The following FXR2 variants were observed in gnomAD, a reference collection of about 807,000 sequenced individuals.
The protein encoded by FXR2 is RNA-binding protein FXR2.
A neutral mutation model predicts 87.3 loss-of-function variants in FXR2; 9 were observed. The ratio of observed to expected loss-of-function variants is 0.10; its 90% CI spans 0.06 to 0.18. The LOEUF (loss-of-function observed/expected upper bound fraction) is 0.18. FXR2 is among the 10% of genes least tolerant of loss of function. The probability of loss-of-function intolerance (pLI) is 1.00; values close to 1 mark genes in which losing one functional copy is unlikely to be tolerated. For missense variants in FXR2, 661 were observed against 893.6 expected (o/e 0.74, Z 3.32); for synonymous variants, 331 against 328.3 (o/e 1.01, Z -0.09).
chr17:7,609,668 C>G (rs777910000), intron 1 of FXR2, among the ~76,000 whole-genome samples: 24 of 151,864 alleles, frequency 1.6e-4, no homozygotes, highest in Non-Finnish European at 2.8e-4. Context: ...CTTCTACTTG[C>G]CTGGGTCTCT....
In FXR2 at chr17:7,591,648, G is replaced by C; in HGVS notation, c.*182C>G. 1 of 617,026 alleles carries C rather than the reference G, an allele frequency of 1.6e-6. No individual in the cohort carries two copies. Among genetic ancestry groups the C allele is most frequent in the Non-Finnish European group, 2.9e-6 (1 of 341,308 alleles). The allele number at this position is 617,026 out of a possible 1,614,324, so 38.2% of individuals were successfully genotyped here. On this transcript the variant is annotated 3_prime_UTR_variant, in exon 17 of 17. Transcript: ENST00000250113. This position sits in a 1 kb window ranked among gnomAD's most constrained non-coding sequence, Gnocchi z 4.0. The stretch of plus-strand genomic sequence containing the variant: ...TGGGGGTAGGGTGGACAAGAGGGAG[G>C]GGGTATGACCCTGTTACACACCCCT...
Position 7,592,538 on chromosome 17 carries a change from C to G in FXR2, c.1791G>C (p.Arg597=). ...RSRRRRNRGN[R]TDGSISGDRQ... is the part of the protein sequence containing the mutation. ...GGTCTCCACTGATAGAGCCATCAGT[C>G]CGATTACCACGGTTACGGCGGCGGC... is the stretch of plus-strand genomic sequence containing the variant. The change falls in exon 15 of 17, where the codon CGG becomes CGC. Residue 597 remains arginine, a synonymous_variant. Transcript: ENST00000250113. The surrounding 1 kb of genome is among the most constrained non-coding windows in gnomAD (Gnocchi z 4.8). 6.2e-7 allele frequency: 1 copy of G among 1,613,966 alleles called. No individual in the cohort carries two copies. Among genetic ancestry groups the G allele is most frequent in the Non-Finnish European group, 8.5e-7 (1 of 1,179,868 alleles).
At position 7,595,749 on chromosome 17, in the gene FXR2, G is replaced by C; in HGVS notation, c.831+75C>G. ...AGGTGTGAGCCACTGTGCCCAGTTT[G>C]AGGCTTATTTTCTACTTCGGCCTCT... On this transcript the variant is annotated intron_variant, in intron 8 of 16. Coordinates refer to ENST00000250113, the MANE Select transcript of FXR2 (RefSeq NM_004860.4). The surrounding 1 kb of genome is among the most constrained non-coding windows in gnomAD (Gnocchi z 4.7). 1.6e-6 allele frequency: 2 copies of C among 1,232,482 alleles called. No individual in the cohort carries two copies. Among genetic ancestry groups the C allele is most frequent in the Non-Finnish European group, 2.3e-6 (2 of 858,032 alleles). 76.3% of individuals were successfully genotyped at this position (1,232,482 alleles called of 1,614,324 possible).
chr17:7,614,553 C>T lies in FXR2; in HGVS notation c.-21G>A. The T allele has an allele frequency of 1.4e-6, 2 of 1,435,556 alleles. No individual in the cohort carries two copies. Among genetic ancestry groups the T allele is most frequent in the Non-Finnish European group, 1.8e-6 (2 of 1,091,682 alleles). The allele number at this position is 1,435,556 out of a possible 1,614,324, so 88.9% of individuals were successfully genotyped here. On this transcript the variant is annotated 5_prime_UTR_variant, in exon 1 of 17. Transcript: ENST00000250113. Reference sequence around the variant, plus strand: ...CCCATGGCGCCGCCACCGCCTCCGACTCCCCCGGCGGCGGCTGCAGCAGCA... The same window carrying T: ...CCCATGGCGCCGCCACCGCCTCCGATTCCCCCGGCGGCGGCTGCAGCAGCA...
At chr17:7,602,161 C>T (rs2071762359) in intron 6 of FXR2, among the ~76,000 whole-genome samples, 1 of 151,498 alleles carries the variant, frequency 6.6e-6, no homozygotes, top group Admixed American at 6.6e-5. Flanking sequence ...TGGTGGCTCA[C>T]GCCTGTGATC....
At chr17:7,603,120 G>A (rs2071772765) in intron 5 of FXR2, 118 bp from the exon 6 acceptor site, 1 of 577,314 alleles carries the variant, frequency 1.7e-6, no homozygotes, top group Non-Finnish European at 3.1e-6. Flanking sequence ...GCTAGGGCAG[G>A]ATGATCACTT....
intron 1 of FXR2, 48 bp downstream of exon 1, chr17:7,614,403 CA>C (rs1257401831): frequency 7.4e-7 from 1 of 1,358,198 alleles, no homozygotes; most frequent in East Asian, 2.6e-5. Flanking sequence ...CTGCTCCGGC[CA>C]GGGGAGGGGG....
chr17:7,595,843 G>A lies in FXR2; in HGVS notation c.812C>T (p.Thr271Ile). Residue 271 changes from threonine to isoleucine, a missense_variant, in exon 8 of 17, where the codon ACT (threonine) becomes ATT (isoleucine). By Grantham distance (89) the Thr-to-Ile change is moderately conservative (BLOSUM62 -1). This residue lies in a region of FXR2 where 82 missense variants were observed against 214.4 expected (regional missense o/e 0.38). Transcript: ENST00000250113. This position sits in a 1 kb window ranked among gnomAD's most constrained non-coding sequence, Gnocchi z 4.7. ...GCTGACCTCCCCATAGATGCGGAAA[G>A]TGCAGGTCTCTTCACCCAACTCAAT... ...TAIELGEETC[T>I]FRIYGETPEA... 1 of 1,613,856 alleles carries A rather than the reference G, an allele frequency of 6.2e-7. No homozygotes were observed. Among genetic ancestry groups the A allele is most frequent in the Non-Finnish European group, 8.5e-7 (1 of 1,179,822 alleles).
intron 7 of FXR2, among the ~76,000 whole-genome samples, chr17:7,600,409 C>G (rs1401557896): frequency 6.6e-6 from 1 of 151,676 alleles, no homozygotes; most frequent in East Asian, 1.9e-4. Flanking sequence ...AGTCTCGACT[C>G]CCAACCTCGG....
In FXR2 at chr17:7,591,721, C is replaced by A. The variant is rs1207159146; in HGVS notation, c.*109G>T. 4 of 736,604 alleles carry A rather than the reference C, an allele frequency of 5.4e-6. No individual in the cohort carries two copies. The Admixed American group carries it at 6.0e-5, about 11-fold the overall frequency. The allele number at this position is 736,604 out of a possible 1,614,324, so 45.6% of individuals were successfully genotyped here. The stretch of plus-strand genomic sequence containing the variant: ...GGGTACCCAAGCTGCTGTGCCACCC[C>A]CCTCCCCCCTAGATAAGAGCAGCTC... On this transcript the variant is annotated 3_prime_UTR_variant, in exon 17 of 17. Transcript: ENST00000250113. The surrounding 1 kb of genome is among the most constrained non-coding windows in gnomAD (Gnocchi z 4.0).
intron 7 of FXR2, among the ~76,000 whole-genome samples, chr17:7,597,570 T>C (rs2071717872): frequency 6.6e-6 from 1 of 151,848 alleles, no homozygotes; most frequent in South Asian, 2.1e-4. Flanking sequence ...AACTTCTGCC[T>C]CCCTTTTTTT....
In FXR2 at chr17:7,593,686, C is replaced by A; in HGVS notation, c.1108-61G>T. 8.8e-7 allele frequency: 1 copy of A among 1,136,638 alleles called. No homozygotes were observed. Among genetic ancestry groups the A allele is most frequent in the Non-Finnish European group, 1.3e-6 (1 of 777,378 alleles). The allele number at this position is 1,136,638 out of a possible 1,614,324, so 70.4% of individuals were successfully genotyped here. Reference sequence around the variant, plus strand: ...AATAAGATCAGTGCCTTGCTTCATGCTTCTGCACCCTGACTGTCCCTCTAT... The same window carrying A: ...AATAAGATCAGTGCCTTGCTTCATGATTCTGCACCCTGACTGTCCCTCTAT... On this transcript the variant is annotated intron_variant, in intron 11 of 16. Transcript: ENST00000250113. The surrounding 1 kb of genome is among the most constrained non-coding windows in gnomAD (Gnocchi z 6.1).
In FXR2 at chr17:7,594,446, T is replaced by A; in HGVS notation, c.911-99A>T. On this transcript the variant is annotated intron_variant, in intron 9 of 16. Transcript: ENST00000250113. The surrounding 1 kb of genome is among the most constrained non-coding windows in gnomAD (Gnocchi z 5.1). ...TCCAGCCTCATTTTCTTTATATGGA[T>A]TCCATTTACTTCATTCTCCTGCTTC... 1 of 735,586 alleles carries A rather than the reference T, an allele frequency of 1.4e-6. No individual in the cohort carries two copies. Among genetic ancestry groups the A allele is most frequent in the Non-Finnish European group, 2.3e-6 (1 of 428,820 alleles). The allele number at this position is 735,586 out of a possible 1,614,324, so 45.6% of individuals were successfully genotyped here. A position where few individuals can be genotyped will look rare whatever the true frequency, so the allele number is the denominator to read the frequency against.
Position 7,593,717 on chromosome 17 carries a change from A to T in FXR2, c.1108-92T>A, listed in dbSNP as rs560841216. 1.1e-6 allele frequency: 1 copy of T among 936,538 alleles called. No homozygotes were observed. Among genetic ancestry groups the T allele is most frequent in the African/African-American group, 1.6e-5 (1 of 61,290 alleles). 58.0% of individuals were successfully genotyped at this position (936,538 alleles called of 1,614,324 possible). On this transcript the variant is annotated intron_variant, in intron 11 of 16. Coordinates refer to ENST00000250113, the MANE Select transcript of FXR2 (RefSeq NM_004860.4). The surrounding 1 kb of genome is among the most constrained non-coding windows in gnomAD (Gnocchi z 6.1). ...CACCCTGACTGTCCCTCTATATCTA[A>T]CCTCTCAGGAATGCAGGGAGAAGGA...
Position 7,601,405 on chromosome 17 carries a change from T to A in FXR2, c.660+4A>T, listed in dbSNP as rs1416127576. On this transcript the variant is annotated splice_donor_region_variant and intron_variant, in intron 7 of 16. Coordinates refer to ENST00000250113, the MANE Select transcript of FXR2 (RefSeq NM_004860.4). ...CAGCAGAAGGAAAAGGAGCTAAAAG[T>A]TACCTCTAGGTGCTTGGTAGCTTCT... is the stretch of plus-strand genomic sequence containing the variant. 1 of 1,557,174 alleles carries A rather than the reference T, an allele frequency of 6.4e-7. No individual in the cohort carries two copies. The highest frequency in any genetic ancestry group is 2.2e-5 in the East Asian group (1 of 44,614).
Position 7,591,315 on chromosome 17 carries a change from C to T in FXR2, c.*515G>A, listed in dbSNP as rs2071657348. On this transcript the variant is annotated 3_prime_UTR_variant, in exon 17 of 17. Transcript: ENST00000250113. The surrounding 1 kb of genome is among the most constrained non-coding windows in gnomAD (Gnocchi z 4.0). ...CTCATCCACCAGACAAGGTTGGTCC[C>T]CTCCCCAGGGGGACCTTGTCACCCC... 1 of 164,046 alleles carries T rather than the reference C, an allele frequency of 6.1e-6. No individual in the cohort carries two copies. Among genetic ancestry groups the T allele is most frequent in the African/African-American group, 2.4e-5 (1 of 41,450 alleles). The allele number at this position is 164,046 out of a possible 1,614,324, so 10.2% of individuals were successfully genotyped here.
chr17:7,612,763 G>A (rs572908739), intron 1 of FXR2, among the ~76,000 whole-genome samples: 29 of 152,092 alleles, frequency 1.9e-4, no homozygotes, highest in South Asian at 8.3e-4. Flanking sequence ...TTGGGAGGCC[G>A]AAGCAGGTGG....
In FXR2 at chr17:7,593,659, G is replaced by T. The variant is rs1027356296; in HGVS notation, c.1108-34C>A. 7 of 1,422,860 alleles carry T rather than the reference G, an allele frequency of 4.9e-6. No individual in the cohort carries two copies. The African/African-American group carries it at 9.9e-5, about 20-fold the overall frequency. 88.1% of individuals were successfully genotyped at this position (1,422,860 alleles called of 1,614,324 possible). A position where few individuals can be genotyped will look rare whatever the true frequency, so the allele number is the denominator to read the frequency against. On this transcript the variant is annotated intron_variant, in intron 11 of 16. Coordinates refer to ENST00000250113, the MANE Select transcript of FXR2 (RefSeq NM_004860.4). This position sits in a 1 kb window ranked among gnomAD's most constrained non-coding sequence, Gnocchi z 6.1. ...GTAAAAGATGGAAGAAGGGGAAGGA[G>T]AAATAAGATCAGTGCCTTGCTTCAT...
Position 7,591,540 on chromosome 17 carries a change from G to A in FXR2, c.*290C>T. The A allele has an allele frequency of 1.3e-5, 5 of 393,190 alleles. No homozygotes were observed. The highest frequency in any genetic ancestry group is 9.0e-5 in the South Asian group (4 of 44,216). The allele number at this position is 393,190 out of a possible 1,614,324, so 24.4% of individuals were successfully genotyped here. On this transcript the variant is annotated 3_prime_UTR_variant, in exon 17 of 17. Coordinates refer to ENST00000250113, the MANE Select transcript of FXR2 (RefSeq NM_004860.4). This position sits in a 1 kb window ranked among gnomAD's most constrained non-coding sequence, Gnocchi z 4.0. ...CACCCCCCACCAACAGGTGGAGAATGGGGGTGTTCAGAGAGAGATTGGGGC... is the reference window on the plus strand; with the variant it reads ...CACCCCCCACCAACAGGTGGAGAATAGGGGTGTTCAGAGAGAGATTGGGGC...
Sources: gnomAD v4.1 joint callset for allele counts (sites outside exome capture counted in the v4.1 genomes callset) on GRCh38, gnomAD v4.1.1 for gene constraint, gnomAD v4.1.1 regional missense constraint, Gnocchi (gnomAD v3.1) non-coding constraint, MANE v1.5 for transcripts, NCBI Gene and HGNC (gene_info 2026-07-23, HGNC 2026-07-21) for gene names.